TNNI1: variants seen among roughly 807,000 people sequenced by gnomAD.
The protein encoded by TNNI1 is troponin I1, slow skeletal type.
Under a neutral mutation model 26.7 loss-of-function variants are expected in TNNI1, and 14 were observed. The ratio of observed to expected loss-of-function variants is 0.52; its 90% confidence interval spans 0.35 to 0.82. TNNI1 has a LOEUF of 0.82. TNNI1 is among the 40% of genes least tolerant of loss of function. The pLI is 0.01. For missense variants in TNNI1, 164 were observed against 257.0 expected (o/e 0.64, Z 2.47); for synonymous variants, 79 against 98.2 (o/e 0.80, Z 1.16).
chr1:201,421,516 G>A (rs1466383527), intron 1 of TNNI1, among the ~76,000 whole-genome samples, 157 bp downstream of exon 1: 1 of 152,208 alleles, frequency 6.6e-6, no homozygotes, highest in Non-Finnish European at 1.5e-5. Flanking sequence ...ACAAAATGCT[G>A]TGGGAGTATT....
intron 7 of TNNI1, 84 bp from the exon 8 acceptor site, chr1:201,410,519 G>A: frequency 8.4e-7 from 1 of 1,192,222 alleles, no homozygotes; most frequent in Non-Finnish European, 1.2e-6. Context: ...TAGGAAACCA[G>A]TCTCCTCGGA....
intron 1 of TNNI1, among the ~76,000 whole-genome samples, chr1:201,420,137 C>A (rs576952544): frequency 1.4e-4 from 21 of 152,356 alleles, no homozygotes; most frequent in Middle Eastern, 3.4e-3. Flanking sequence ...AGAGATCCAA[C>A]TGTCCCCATT....
Sources: gnomAD v4.1 joint callset for allele counts (sites outside exome capture counted in the v4.1 genomes callset) on GRCh38, gnomAD v4.1.1 for gene constraint, MANE v1.5 for transcripts, NCBI Gene and HGNC (gene_info 2026-07-23, HGNC 2026-07-21) for gene names.